The following KHDRBS2 variants were observed in gnomAD, a reference collection of about 807,000 sequenced individuals.
KHDRBS2 encodes the protein KH RNA binding domain containing, signal transduction associated 2.
KHDRBS2 carries 26 observed loss-of-function variants against 44.3 expected under a neutral mutation model. The ratio of observed to expected loss-of-function variants is 0.59; its 90% confidence interval spans 0.43 to 0.81. KHDRBS2 has a LOEUF of 0.81. Among genes scored for constraint, KHDRBS2 ranks in the 40% least tolerant of loss-of-function variants. The pLI is 0.00. For missense variants in KHDRBS2, 476 were observed against 433.1 expected (o/e 1.10, Z -0.88); for synonymous variants, 194 against 151.1 (o/e 1.28, Z -2.08).
chr6:61,637,257 T>C, the KHDRBS2 span, among the ~76,000 whole-genome samples: 3,728 of 151,948 alleles, frequency 0.025, 69 homozygotes, highest in Middle Eastern at 0.092. Context: ...TTGTTCAATT[T>C]CCACCTATGA....
the KHDRBS2 span, among the ~76,000 whole-genome samples, chr6:61,579,965 G>A: frequency 2.0e-5 from 3 of 151,962 alleles, no homozygotes; most frequent in African/African-American, 7.3e-5. Context: ...GCTGAGGCAG[G>A]AGAATCACTT....
chr6:61,813,909 T>C (rs1788504458), intron 6 of KHDRBS2: 2 of 455,828 alleles, frequency 4.4e-6, no homozygotes, highest in Non-Finnish European at 8.8e-6. Flanking sequence ...TATTACTCCC[T>C]GCTTTTACTT....
the KHDRBS2 span, among the ~76,000 whole-genome samples, chr6:61,622,229 T>G: frequency 6.6e-6 from 1 of 152,200 alleles, no homozygotes; most frequent in Non-Finnish European, 1.5e-5. Flanking sequence ...TGTTCACATC[T>G]CTCTATTAAG....
chr6:61,928,359 T>C (rs1046464794), intron 4 of KHDRBS2, among the ~76,000 whole-genome samples: 23 of 152,096 alleles, frequency 1.5e-4, no homozygotes, highest in Admixed American at 1.1e-3. Flanking sequence ...CTTCTTCTTA[T>C]TTACAACTTT....
At chr6:61,901,177 T>C (rs533498838) in intron 5 of KHDRBS2, 67 bp downstream of exon 5, 1 of 1,486,204 alleles carries the variant, frequency 6.7e-7, no homozygotes, top group African/African-American at 1.4e-5. Context: ...GTGATAATCA[T>C]GACATAAAGC....
chr6:62,222,671 C>T (rs868006430), intron 1 of KHDRBS2, among the ~76,000 whole-genome samples: 5 of 152,132 alleles, frequency 3.3e-5, no homozygotes, highest in Non-Finnish European at 7.4e-5. Flanking sequence ...CCTTGCATTT[C>T]AAAGTCAATT....
intron 6 of KHDRBS2, among the ~76,000 whole-genome samples, chr6:61,840,888 T>C (rs1255078109): frequency 6.6e-6 from 1 of 152,142 alleles, no homozygotes; most frequent in Non-Finnish European, 1.5e-5. Flanking sequence ...TTAATCTTCA[T>C]AAATGGAAAT....
intron 2 of KHDRBS2, among the ~76,000 whole-genome samples, chr6:62,127,987 A>G (rs549996978): frequency 6.6e-6 from 1 of 152,166 alleles, no homozygotes; most frequent in South Asian, 2.1e-4. Flanking sequence ...AAACAAGAGT[A>G]CCTGTCTTAC....
chr6:62,233,547 T>C (rs1585327639), intron 1 of KHDRBS2, among the ~76,000 whole-genome samples: 1 of 152,118 alleles, frequency 6.6e-6, no homozygotes, highest in African/African-American at 2.4e-5. Context: ...TTGATAAACT[T>C]GTGTCATAGG....
intron 2 of KHDRBS2, among the ~76,000 whole-genome samples, chr6:62,176,708 A>T (rs1284374964): frequency 6.6e-6 from 1 of 151,318 alleles, no homozygotes; most frequent in Non-Finnish European, 1.5e-5. Context: ...TTTTATGAAT[A>T]AACTTTGATT....
chr6:62,271,503 T>C (rs1453038762), intron 1 of KHDRBS2, among the ~76,000 whole-genome samples: 1 of 152,200 alleles, frequency 6.6e-6, no homozygotes, highest in Non-Finnish European at 1.5e-5. Context: ...ACTTACATAT[T>C]TTAAAAATTA....
chr6:62,146,392 T>C (rs1584945593), intron 2 of KHDRBS2, among the ~76,000 whole-genome samples: 1 of 151,708 alleles, frequency 6.6e-6, no homozygotes. Flanking sequence ...ATCCACTAGT[T>C]GTTGTCTCTT....
At chr6:61,873,138 C>T (rs1798902609) in intron 6 of KHDRBS2, among the ~76,000 whole-genome samples, 1 of 151,960 alleles carries the variant, frequency 6.6e-6, no homozygotes, top group African/African-American at 2.4e-5. Flanking sequence ...ACATAAAAAT[C>T]ATGGTCTATT....
At chr6:61,929,847 G>A (rs1056062699) in intron 4 of KHDRBS2, among the ~76,000 whole-genome samples, 2 of 152,006 alleles carry the variant, frequency 1.3e-5, no homozygotes, top group African/African-American at 2.4e-5. Flanking sequence ...TAACATAAAC[G>A]TGTCATCTCT....
chr6:62,233,147 T>C (rs2150160596), intron 1 of KHDRBS2, among the ~76,000 whole-genome samples: 1 of 152,252 alleles, frequency 6.6e-6, no homozygotes, highest in East Asian at 1.9e-4. Flanking sequence ...TCCTCAGAAC[T>C]ACAGAGCTGT....
intron 2 of KHDRBS2, among the ~76,000 whole-genome samples, chr6:62,151,250 A>C (rs1333828127): frequency 6.6e-6 from 1 of 152,174 alleles, no homozygotes; most frequent in Non-Finnish European, 1.5e-5. Context: ...GCCCCTGATT[A>C]AGTGGCCAAT....
chr6:61,671,441 A>C, the KHDRBS2 span, among the ~76,000 whole-genome samples: 1 of 151,698 alleles, frequency 6.6e-6, no homozygotes, highest in Non-Finnish European at 1.5e-5. Flanking sequence ...TCAGACAACT[A>C]TTTCTCCTGT....
chr6:62,248,964 A>T (rs565985445), intron 1 of KHDRBS2, among the ~76,000 whole-genome samples: 172 of 152,262 alleles, frequency 1.1e-3, no homozygotes, highest in African/African-American at 4.0e-3. Flanking sequence ...CATAGATGCT[A>T]TCATATTAAA....
chr6:61,969,638 TAAG>T (rs1050573209), intron 4 of KHDRBS2, among the ~76,000 whole-genome samples: 11 of 151,938 alleles, frequency 7.2e-5, no homozygotes, highest in Middle Eastern at 3.4e-3. Context: ...ATTCCTCAAA[TAAG>T]AAGTAGATTA....
Sources: allele counts gnomAD v4.1 joint callset (sites outside exome capture counted in the v4.1 genomes callset), GRCh38; gene constraint gnomAD v4.1.1; transcripts MANE v1.5; gene names NCBI Gene and HGNC (gene_info 2026-07-23, HGNC 2026-07-21).